AMN1: variants seen among roughly 807,000 people sequenced by gnomAD.
The protein encoded by AMN1 is antagonist of mitotic exit network 1 homolog, also known as protein AMN1 homolog.
AMN1 carries 20 observed loss-of-function variants against 33.0 expected under a neutral mutation model. The ratio of observed to expected loss-of-function variants is 0.61; its 90% CI spans 0.43 to 0.88. The LOEUF is 0.88. AMN1 is among the 40% of genes least tolerant of loss of function. The probability of loss-of-function intolerance (pLI) is 0.00; values close to 1 mark genes in which losing one functional copy is unlikely to be tolerated. For synonymous variants in AMN1, 114 were observed against 111.9 expected, an observed-to-expected ratio of 1.02 and a Z score of -0.12; for missense variants, 246 against 307.4, an observed-to-expected ratio of 0.80 and a Z score of 1.49.
Position 31,689,073 on chromosome 12 carries a change from C to T in AMN1, c.637G>A (p.Glu213Lys), listed in dbSNP as rs1307903772. The T allele has an allele frequency of 3.1e-6, 5 of 1,613,518 alleles. No individual in the cohort carries two copies. Among genetic ancestry groups the T allele is most frequent in the Middle Eastern group, 1.7e-4 (1 of 6,058 alleles). Residue 213 changes from glutamate (E) to lysine (K), a missense_variant, in exon 6 of 7, where the codon GAA (glutamate) becomes AAA (lysine). Transcript: ENST00000281471. ...HCVNLTDGAV[E>K]AVLTYCPQIR... ...TGAGGACAGTAAGTAAGGACAGCTT[C>T]GACAGCCCCATCAGTCAGATTTACA...
At chr12:31,722,862 A>C (rs1939926009) in intron 1 of AMN1, among the ~76,000 whole-genome samples, 1 of 152,202 alleles carries the variant, frequency 6.6e-6, no homozygotes, top group Non-Finnish European at 1.5e-5. Flanking sequence ...TAGTTTTCAG[A>C]AATCAAGTTT....
Position 31,697,435 on chromosome 12 carries a change from G to T in AMN1, c.535-18C>A. ...TCAGATACCTAAGCAAAGGGAAAAAGAAACACAGTCCATGAATCCAGACAA... is the reference window on the plus strand; with the variant it reads ...TCAGATACCTAAGCAAAGGGAAAAATAAACACAGTCCATGAATCCAGACAA... On this transcript the variant is annotated intron_variant, in intron 4 of 6. Coordinates refer to ENST00000281471, the MANE Select transcript of AMN1 (RefSeq NM_001113402.2). 6.2e-7 allele frequency: 1 copy of T among 1,610,906 alleles called. No individual in the cohort carries two copies. The highest frequency in any genetic ancestry group is 8.5e-7 in the Non-Finnish European group (1 of 1,178,364).
intron 1 of AMN1, among the ~76,000 whole-genome samples, chr12:31,728,277 T>G (rs1268233641): frequency 6.6e-6 from 1 of 152,192 alleles, no homozygotes; most frequent in Non-Finnish European, 1.5e-5. Flanking sequence ...AACTTCCATT[T>G]CCGTACAATT....
intron 1 of AMN1, among the ~76,000 whole-genome samples, chr12:31,721,268 G>T (rs867391489): frequency 6.6e-6 from 1 of 152,172 alleles, no homozygotes; most frequent in Non-Finnish European, 1.5e-5. Flanking sequence ...AGGACTTCCG[G>T]GTTTGGATGC....
rs55702366 is a variant in AMN1 at position 31,684,314 on chromosome 12, G to A, written c.703+4693C>T. ...GGTATCAAAGAAGAGTATCCACAAT[G>A]ATCTGAAAAGTGATGATCTGAATGA... On this transcript the variant is annotated intron_variant, in intron 6 of 6. Transcript: ENST00000281471. Among the ~76,000 whole-genome samples, 1,270 of 152,128 alleles carry A rather than the reference G, an allele frequency of 8.3e-3. 16 individuals are homozygous for A. Among genetic ancestry groups the A allele is most frequent in the African/African-American group, 0.029 (1,198 of 41,476 alleles).
intron 2 of AMN1, among the ~76,000 whole-genome samples, chr12:31,702,831 G>A (rs1225658760): frequency 2.6e-5 from 4 of 152,224 alleles, no homozygotes; most frequent in South Asian, 2.1e-4. Context: ...TCCGCCTCCC[G>A]GGTTCAAGCG....
rs193233921 is a variant in AMN1, at chr12:31,673,966, A to C, written c.704-1589T>G. Among the ~76,000 whole-genome samples, 6 of 152,238 alleles carry C rather than the reference A, an allele frequency of 3.9e-5. No homozygotes were observed. In the East Asian group the frequency reaches 1.2e-3, roughly 29 times the overall value. On this transcript the variant is annotated intron_variant, in intron 6 of 6. Coordinates refer to ENST00000281471, the MANE Select transcript of AMN1 (RefSeq NM_001113402.2). ...TCCAAAATGGGTCTCACTGGGCTAA[A>C]ATCAGGTGTGGGCAGGTCTGCGTTA...
intron 6 of AMN1, among the ~76,000 whole-genome samples, chr12:31,676,740 C>G (rs1281282502): frequency 6.6e-6 from 1 of 151,766 alleles, no homozygotes; most frequent in Non-Finnish European, 1.5e-5. Context: ...TGTCACTATT[C>G]TGTTTTGAAT....
intron 2 of AMN1, chr12:31,708,615 C>T (rs942603753): frequency 3.1e-5 from 5 of 159,870 alleles, no homozygotes; most frequent in Non-Finnish European, 6.8e-5. Context: ...TTCGTACATT[C>T]CTCCCCTTTT....
intron 2 of AMN1, among the ~76,000 whole-genome samples, chr12:31,702,797 G>A (rs1939064742): frequency 6.6e-6 from 1 of 152,178 alleles, no homozygotes; most frequent in Non-Finnish European, 1.5e-5. Flanking sequence ...GAGTGCAATG[G>A]CGTGATCTCG....
chr12:31,684,337 T>C lies in AMN1; in HGVS notation c.703+4670A>G, dbSNP rs74085139. On this transcript the variant is annotated intron_variant, in intron 6 of 6. Transcript: ENST00000281471. ...ATGATCTGAAAAGTGATGATCTGAA[T>C]GAAAATATATCTCTTTTCTAGGTAA... is the stretch of plus-strand genomic sequence containing the variant. Among the ~76,000 whole-genome samples, 1,272 of 152,304 alleles carry C rather than the reference T, an allele frequency of 8.4e-3. 17 individuals carry two copies. Among genetic ancestry groups the C allele is most frequent in the African/African-American group, 0.029 (1,200 of 41,552 alleles).
chr12:31,719,143 C>A (rs1228168757), intron 1 of AMN1: 1 of 157,170 alleles, frequency 6.4e-6, no homozygotes, highest in Non-Finnish European at 1.4e-5. Context: ...TGAGGCGACG[C>A]CCTGCCCTGC....
chr12:31,725,594 A>G (rs902264464), intron 1 of AMN1, among the ~76,000 whole-genome samples: 1 of 152,098 alleles, frequency 6.6e-6, no homozygotes, highest in African/African-American at 2.4e-5. Context: ...TTTTCTCTCT[A>G]TAGCCCTCTT....
chr12:31,699,998 G>A (rs1938919255), intron 3 of AMN1, among the ~76,000 whole-genome samples: 1 of 152,084 alleles, frequency 6.6e-6, no homozygotes, highest in Non-Finnish European at 1.5e-5. Context: ...TCTTTTTTGT[G>A]AGTTATTATT....
intron 2 of AMN1, among the ~76,000 whole-genome samples, chr12:31,706,690 A>C (rs890814043): frequency 1.2e-4 from 19 of 152,324 alleles, no homozygotes; most frequent in Admixed American, 2.6e-4. Context: ...ACAAAGAGTG[A>C]TTAACCATCT....
At chr12:31,712,056 T>TCCTC (rs1461847488) in intron 1 of AMN1, among the ~76,000 whole-genome samples, 4 of 145,888 alleles carry the variant, frequency 2.7e-5, no homozygotes, top group Non-Finnish European at 6.0e-5. Flanking sequence ...CTCCCTCCCT[T>TCCTC]CCTCCCTCCC....
intron 6 of AMN1, among the ~76,000 whole-genome samples, chr12:31,676,146 A>G (rs1043076819): frequency 9.9e-5 from 15 of 151,792 alleles, no homozygotes; most frequent in Non-Finnish European, 2.1e-4. Flanking sequence ...AAAGTGAAAA[A>G]CTTATACTCT....
At chr12:31,674,070 C>G (rs1435795517) in intron 6 of AMN1, among the ~76,000 whole-genome samples, 1 of 150,526 alleles carries the variant, frequency 6.6e-6, no homozygotes, top group African/African-American at 2.4e-5. Context: ...TTTCTAGCTT[C>G]TAGAAACTAC....
At chr12:31,693,355 T>A (rs542067342) in intron 5 of AMN1, among the ~76,000 whole-genome samples, 24 of 151,746 alleles carry the variant, frequency 1.6e-4, no homozygotes, top group Admixed American at 1.4e-3. Flanking sequence ...GCCTCCTGAG[T>A]AGCTGGGATT....
Sources: gnomAD v4.1 joint callset for allele counts (sites outside exome capture counted in the v4.1 genomes callset) on GRCh38, gnomAD v4.1.1 for gene constraint, MANE v1.5 for transcripts, NCBI Gene and HGNC (gene_info 2026-07-23, HGNC 2026-07-21) for gene names.